The following RALGPS2 variants were observed in gnomAD, a reference collection of about 807,000 sequenced individuals.
RALGPS2 encodes Ral GEF with PH domain and SH3 binding motif 2.
RALGPS2 carries 43 observed loss-of-function variants against 86.8 expected under a neutral mutation model. That is an observed-to-expected ratio of 0.50 (90% confidence interval 0.39 to 0.64). RALGPS2 has a LOEUF of 0.64. Among genes scored for constraint, RALGPS2 ranks in the 30% least tolerant of loss-of-function variants. The pLI is 0.00. For missense variants in RALGPS2, 536 were observed against 694.6 expected (o/e 0.77, Z 2.57); for synonymous variants, 243 against 231.3 (o/e 1.05, Z -0.46).
intron 4 of RALGPS2, among the ~76,000 whole-genome samples, chr1:178,806,948 A>C (rs1484991674): frequency 1.3e-5 from 2 of 152,222 alleles, no homozygotes; most frequent in Non-Finnish European, 2.9e-5. Context: ...GTTCTATTAA[A>C]ATATACTTAA....
chr1:178,824,188 T>C (rs2102230420), intron 7 of RALGPS2, among the ~76,000 whole-genome samples: 1 of 152,182 alleles, frequency 6.6e-6, no homozygotes, highest in Non-Finnish European at 1.5e-5. Flanking sequence ...CAGTAGAGAA[T>C]GGGGTGAAAA....
At chr1:178,747,132 C>A in intron 1 of RALGPS2, 1 of 975,028 alleles carries the variant, frequency 1.0e-6, no homozygotes, top group Admixed American at 1.8e-5. Context: ...ATATCATCTC[C>A]TTTTTCCATC....
Position 178,833,455 on chromosome 1 carries a change from A to G in RALGPS2, c.512A>G (p.Glu171Gly), listed in dbSNP as rs1191519056. The change falls in exon 8 of 20, where the codon GAA becomes GGA. Residue 171 changes from glutamate to glycine, a missense_variant. Around this residue, in one of 3 missense-constraint regions of RALGPS2, gnomAD observed 184 missense variants for 296.7 expected, o/e 0.62. Transcript: ENST00000367635. ...AGTCGAAAAGACAAAACTACCTTTG[A>G]AAAATTAGAATATGTAATGAGTAAA... The part of the protein sequence containing the change: ...LLSRKDKTTF[E>G]KLEYVMSKED... 6.6e-6 allele frequency: 10 copies of G among 1,518,746 alleles called. No individual in the cohort carries two copies. The highest frequency in any genetic ancestry group is 8.7e-6 in the Non-Finnish European group (10 of 1,145,948). The allele number at this position is 1,518,746 out of a possible 1,614,324, so 94.1% of individuals were successfully genotyped here.
chr1:178,918,089 A>T lies in RALGPS2; in HGVS notation c.*1730A>T, dbSNP rs1660870832. Reference sequence around the variant, plus strand: ...TAATTTAGTATTCTGTTTGGAAAAGATGTTAAGAGTTCAAATATGCTTCTT... The same window carrying T: ...TAATTTAGTATTCTGTTTGGAAAAGTTGTTAAGAGTTCAAATATGCTTCTT... On this transcript the variant is annotated 3_prime_UTR_variant, in exon 20 of 20. Transcript: ENST00000367635. 1 of 152,136 alleles carries T rather than the reference A, an allele frequency of 6.6e-6. No homozygotes were observed. Among genetic ancestry groups the T allele is most frequent in the African/African-American group, 2.4e-5 (1 of 41,440 alleles). 9.4% of individuals were successfully genotyped at this position (152,136 alleles called of 1,614,324 possible). A position where few individuals can be genotyped will look rare whatever the true frequency, so the allele number is the denominator to read the frequency against.
intron 4 of RALGPS2, among the ~76,000 whole-genome samples, chr1:178,789,353 G>A (rs1007586968): frequency 6.6e-6 from 1 of 152,204 alleles, no homozygotes; most frequent in Non-Finnish European, 1.5e-5. Flanking sequence ...TAAATGAGAA[G>A]TTGCCAGACA....
At chr1:178,825,762 C>A (rs1655716398) in intron 7 of RALGPS2, among the ~76,000 whole-genome samples, 1 of 152,114 alleles carries the variant, frequency 6.6e-6, no homozygotes, top group African/African-American at 2.4e-5. Context: ...TCATACTAGC[C>A]ACATTGCAAG....
intron 1 of RALGPS2, chr1:178,747,611 C>T (rs1226208774): frequency 1.9e-6 from 3 of 1,582,574 alleles, no homozygotes; most frequent in Non-Finnish European, 2.6e-6. Flanking sequence ...ACTCCTTTGT[C>T]CTCTTCTATG....
intron 2 of RALGPS2, among the ~76,000 whole-genome samples, chr1:178,783,290 A>T (rs544255969): frequency 6.6e-6 from 1 of 152,140 alleles, no homozygotes; most frequent in East Asian, 1.9e-4. Context: ...GAACTGGAAG[A>T]CTTGTCAGTA....
intron 8 of RALGPS2, among the ~76,000 whole-genome samples, chr1:178,864,005 G>T (rs1435660282): frequency 6.6e-6 from 1 of 151,978 alleles, no homozygotes; most frequent in Non-Finnish European, 1.5e-5. Flanking sequence ...CGTTGCTTTG[G>T]GGCATTTGGG....
intron 8 of RALGPS2, among the ~76,000 whole-genome samples, chr1:178,848,488 C>T (rs1178330260): frequency 6.6e-6 from 1 of 152,118 alleles, no homozygotes; most frequent in Non-Finnish European, 1.5e-5. Context: ...TGGTCTTTCA[C>T]AAGACTCTCT....
chr1:178,889,850 A>G (rs1659647206), intron 14 of RALGPS2, among the ~76,000 whole-genome samples, 154 bp downstream of exon 14: 1 of 151,966 alleles, frequency 6.6e-6, no homozygotes, highest in African/African-American at 2.4e-5. Context: ...TTAAGTTTGG[A>G]TATGTAAGTA....
chr1:178,773,319 G>C (rs1652899459), intron 1 of RALGPS2, among the ~76,000 whole-genome samples: 1 of 152,034 alleles, frequency 6.6e-6, no homozygotes. Flanking sequence ...GCTCCAGCCT[G>C]CATGACAGAG....
intron 16 of RALGPS2, among the ~76,000 whole-genome samples, chr1:178,896,732 A>G (rs1659963392): frequency 7.0e-6 from 1 of 143,828 alleles, no homozygotes; most frequent in Non-Finnish European, 1.5e-5. Context: ...TGTTCTTGCG[A>G]TAGTTTACTG....
At chr1:178,762,661 T>C (rs1043092648) in intron 1 of RALGPS2, among the ~76,000 whole-genome samples, 1 of 152,214 alleles carries the variant, frequency 6.6e-6, no homozygotes, top group Non-Finnish European at 1.5e-5. Flanking sequence ...TTTTGAGAAG[T>C]ATCTGTTCAT....
chr1:178,777,696 T>C (rs560572338), intron 2 of RALGPS2, among the ~76,000 whole-genome samples: 2 of 151,990 alleles, frequency 1.3e-5, no homozygotes, highest in East Asian at 3.9e-4. Context: ...AAAACAGAGA[T>C]ATAGATCAAT....
chr1:178,759,527 CT>C (rs59419655), intron 1 of RALGPS2, among the ~76,000 whole-genome samples: 25,723 of 114,924 alleles, frequency 0.22, 3,301 homozygotes, highest in African/African-American at 0.44. Context: ...CAGTTTTGTT[CT>C]TTTTTTTTTT....
intron 1 of RALGPS2, among the ~76,000 whole-genome samples, chr1:178,744,162 A>G (rs1166962556): frequency 6.6e-6 from 1 of 152,188 alleles, no homozygotes; most frequent in Non-Finnish European, 1.5e-5. Context: ...ATCATAATTA[A>G]CTGGGGTTTA....
intron 11 of RALGPS2, among the ~76,000 whole-genome samples, chr1:178,884,695 T>TA (rs1659401539): frequency 6.6e-6 from 1 of 152,214 alleles, no homozygotes; most frequent in Non-Finnish European, 1.5e-5. Context: ...ATTCTTTATC[T>TA]AAGAGGAAGT....
chr1:178,914,782 C>T (rs888928667), intron 19 of RALGPS2, among the ~76,000 whole-genome samples: 1 of 152,120 alleles, frequency 6.6e-6, no homozygotes, highest in Non-Finnish European at 1.5e-5. Flanking sequence ...TAGCAACCTC[C>T]ATAAAGGACA....
Sources: gnomAD v4.1 joint callset for allele counts (sites outside exome capture counted in the v4.1 genomes callset) on GRCh38, gnomAD v4.1.1 for gene constraint, gnomAD v4.1.1 regional missense constraint, MANE v1.5 for transcripts, NCBI Gene and HGNC (gene_info 2026-07-23, HGNC 2026-07-21) for gene names.